FAM219A: variants seen among roughly 807,000 people sequenced by gnomAD.
The protein encoded by FAM219A is family with sequence similarity 219 member A.
A neutral mutation model predicts 23.4 loss-of-function variants in FAM219A; 7 were observed. The observed-to-expected ratio is 0.30, with a 90% CI of 0.17 to 0.56. The LOEUF (loss-of-function observed/expected upper bound fraction) is 0.56. FAM219A is among the 20% of genes least tolerant of loss of function. The pLI is 0.92. For missense variants in FAM219A, 166 were observed against 246.9 expected, an observed-to-expected ratio of 0.67 and a Z score of 2.20; for synonymous variants, 93 against 99.0, an observed-to-expected ratio of 0.94 and a Z score of 0.36.
chr9:34,446,792 T>G (rs777658894), intron 1 of FAM219A, among the ~76,000 whole-genome samples: 23 of 152,256 alleles, frequency 1.5e-4, no homozygotes, highest in Non-Finnish European at 2.9e-4. Flanking sequence ...GACATGCTTT[T>G]GACTCCTTTC....
chr9:34,403,911 A>C (rs1181014976), intron 2 of FAM219A, among the ~76,000 whole-genome samples: 1 of 152,182 alleles, frequency 6.6e-6, no homozygotes, highest in Non-Finnish European at 1.5e-5. Flanking sequence ...GCCAGTGCTC[A>C]GCTGATTCCA....
chr9:34,400,031 A>G lies in FAM219A; in HGVS notation c.*933T>C, dbSNP rs1229127173. ...CTACCACATCCAAACAACCACATCC[A>G]TAGAGCCACTCAGCCCACTGGATTC... On this transcript the variant is annotated 3_prime_UTR_variant, in exon 6 of 6. Transcript: ENST00000651358. The G allele has an allele frequency of 6.6e-6, 1 of 152,406 alleles. No homozygotes were observed. Among genetic ancestry groups the G allele is most frequent in the Non-Finnish European group, 1.5e-5 (1 of 68,178 alleles). The allele number at this position is 152,406 out of a possible 1,614,324, so 9.4% of individuals were successfully genotyped here.
intron 1 of FAM219A, among the ~76,000 whole-genome samples, chr9:34,446,939 T>C (rs922388920): frequency 9.2e-5 from 14 of 152,216 alleles, no homozygotes; most frequent in Admixed American, 7.2e-4. Context: ...TCTATTAATG[T>C]AGTCCAACAG....
intron 5 of FAM219A, among the ~76,000 whole-genome samples, 180 bp downstream of exon 5, chr9:34,401,486 T>G (rs1240202845): frequency 6.6e-6 from 1 of 152,230 alleles, no homozygotes; most frequent in Admixed American, 6.5e-5. Flanking sequence ...CTGGGCTCCA[T>G]GCACTTGAGG....
intron 4 of FAM219A, 58 bp from the exon 5 acceptor site, chr9:34,401,778 T>G: frequency 6.4e-7 from 1 of 1,561,878 alleles, no homozygotes; most frequent in East Asian, 2.3e-5. Flanking sequence ...GAAAACTCTC[T>G]GCAATCCCAC....
chr9:34,439,814 T>A (rs1048759068), intron 1 of FAM219A, among the ~76,000 whole-genome samples: 1 of 152,074 alleles, frequency 6.6e-6, no homozygotes, highest in Non-Finnish European at 1.5e-5. Context: ...AGATCACATG[T>A]TAGGGTTATA....
chr9:34,398,268 T>TA lies in FAM219A; in HGVS notation c.*2695dup, dbSNP rs546282754. On this transcript the variant is annotated 3_prime_UTR_variant, in exon 6 of 6. Transcript: ENST00000651358. ...ATGGTCAATACTGCAATGAAAATGTTAAAAAAAATATTATACACGGCTCAT... is the reference window on the plus strand; with the variant it reads ...ATGGTCAATACTGCAATGAAAATGTTAAAAAAAAATATTATACACGGCTCAT... The TA allele has an allele frequency of 2.7e-5, 42 of 1,549,496 alleles. No homozygotes were observed. The highest frequency in any genetic ancestry group is 5.9e-5 in the Admixed American group (3 of 50,976).
Position 34,417,383 on chromosome 9 carries a change from C to T in FAM219A, c.61-11419G>A, listed in dbSNP as rs1398244457. Reference sequence around the variant, plus strand: ...ATTCTTACATAGTTTTTGTAACTATCAGTTTAATGGCTGCATAATACCTAT... The same window carrying T: ...ATTCTTACATAGTTTTTGTAACTATTAGTTTAATGGCTGCATAATACCTAT... On this transcript the variant is annotated intron_variant, in intron 1 of 5. Transcript: ENST00000651358. This position sits in a 1 kb window ranked among gnomAD's most constrained non-coding sequence, Gnocchi z 4.1. Among the ~76,000 whole-genome samples, 1 of 152,174 alleles carries T rather than the reference C, an allele frequency of 6.6e-6. No homozygotes were observed. Among genetic ancestry groups the T allele is most frequent in the East Asian group, 1.9e-4 (1 of 5,192 alleles).
intron 1 of FAM219A, among the ~76,000 whole-genome samples, chr9:34,443,631 C>T (rs1284836982): frequency 6.6e-6 from 1 of 152,158 alleles, no homozygotes; most frequent in African/African-American, 2.4e-5. Flanking sequence ...TTTACAAATG[C>T]CTGAAAGCGG....
chr9:34,423,826 G>A (rs964324794), intron 1 of FAM219A, among the ~76,000 whole-genome samples: 15 of 152,216 alleles, frequency 9.9e-5, no homozygotes, highest in Admixed American at 9.2e-4. Flanking sequence ...CACTAAGGCT[G>A]ACTGGATCTG....
rs575893516 is a variant in FAM219A, at chr9:34,438,353, G to A, written c.60+19851C>T. ...CGGGCGCATGGCACCGGGACTGGCAGGCAGCTCCACCTGCAGCACCGGTGC... is the reference window on the plus strand; with the variant it reads ...CGGGCGCATGGCACCGGGACTGGCAAGCAGCTCCACCTGCAGCACCGGTGC... On this transcript the variant is annotated intron_variant, in intron 1 of 5. Coordinates refer to ENST00000651358, the MANE Select transcript of FAM219A (RefSeq NM_001184940.2). 4.6e-5 allele frequency among the ~76,000 whole-genome samples: 7 copies of A among 152,368 alleles called. No homozygotes were observed. In the South Asian group the frequency reaches 1.4e-3, roughly 32 times the overall value.
At chr9:34,421,779 C>T (rs1323901865) in intron 1 of FAM219A, among the ~76,000 whole-genome samples, 1 of 151,674 alleles carries the variant, frequency 6.6e-6, no homozygotes, top group African/African-American at 2.4e-5. Context: ...CCCTGCTGAA[C>T]CCATCTGTGC....
At chr9:34,418,214 AAG>A (rs1491568097) in intron 1 of FAM219A, among the ~76,000 whole-genome samples, 1 of 152,100 alleles carries the variant, frequency 6.6e-6, no homozygotes, top group Admixed American at 6.5e-5. Flanking sequence ...AAAAAAAAAA[AAG>A]GATTTGTTTT....
rs555381511 is a variant in FAM219A, at chr9:34,433,073, T to TA, written c.60+25130dup. Among the ~76,000 whole-genome samples, 757 of 152,306 alleles carry TA rather than the reference T, an allele frequency of 5.0e-3. 10 individuals are homozygous for TA. The highest frequency in any genetic ancestry group is 0.017 in the African/African-American group (713 of 41,558). On this transcript the variant is annotated intron_variant, in intron 1 of 5. Coordinates refer to ENST00000651358, the MANE Select transcript of FAM219A (RefSeq NM_001184940.2). The stretch of plus-strand genomic sequence containing the variant: ...AGAGTCTTTGTATTCACTTCATATA[T>TA]AAAAAATTGGAATCCTTCTGAAAGA...
intron 4 of FAM219A, among the ~76,000 whole-genome samples, 200 bp from the exon 5 acceptor site, chr9:34,401,920 A>G (rs1821451809): frequency 6.6e-6 from 1 of 151,758 alleles, no homozygotes; most frequent in Admixed American, 6.6e-5. Flanking sequence ...ATCAATTGCT[A>G]TCCTTAACCT....
intron 4 of FAM219A, chr9:34,402,168 G>T: frequency 6.8e-7 from 1 of 1,474,038 alleles, no homozygotes. Context: ...CAGGATGACA[G>T]CAGACAACGC....
chr9:34,415,343 G>A (rs549501764), intron 1 of FAM219A, among the ~76,000 whole-genome samples: 1 of 152,306 alleles, frequency 6.6e-6, no homozygotes, highest in South Asian at 2.1e-4. Context: ...ACAGCTGCTA[G>A]TATAGAATTC....
intron 2 of FAM219A, among the ~76,000 whole-genome samples, chr9:34,404,319 A>G (rs1301873070): frequency 6.6e-6 from 1 of 152,216 alleles, no homozygotes; most frequent in Non-Finnish European, 1.5e-5. Context: ...AAACTACAAA[A>G]ACTGAAAAGG....
chr9:34,418,173 G>T (rs144588208), intron 1 of FAM219A, among the ~76,000 whole-genome samples: 53 of 151,106 alleles, frequency 3.5e-4, no homozygotes, highest in African/African-American at 9.5e-4. Context: ...AAAGGATGGT[G>T]AAAGTATGAA....
Sources: gnomAD v4.1 joint callset for allele counts (sites outside exome capture counted in the v4.1 genomes callset) on GRCh38, gnomAD v4.1.1 for gene constraint, Gnocchi (gnomAD v3.1) non-coding constraint, MANE v1.5 for transcripts, NCBI Gene and HGNC (gene_info 2026-07-23, HGNC 2026-07-21) for gene names.